GPHN: variants seen among roughly 807,000 people sequenced by gnomAD.
GPHN encodes the protein gephyrin.
GPHN carries 17 observed loss-of-function variants against 95.5 expected under a neutral mutation model. The observed-to-expected ratio is 0.18, with a 90% CI of 0.12 to 0.27. The LOEUF (loss-of-function observed/expected upper bound fraction) is 0.27, where lower values mean the gene tolerates loss of function less well. Ranked by LOEUF, GPHN falls within the 10% of genes least tolerant of loss-of-function variation. GPHN has a pLI of 1.00. For synonymous variants in GPHN, 320 were observed against 322.5 expected (o/e 0.99, Z 0.08); for missense variants, 660 against 978.1 (o/e 0.67, Z 4.34).
Position 67,070,715 on chromosome 14 carries a change from A to AAAAAAAAAAAAATATATATATATAT in GPHN, c.1144+11930_1144+11931insAAAAAAAAAAATATATATATATATA. ...ATCTCAAAAAAAAAAAAAAAAAAAA[A>AAAAAAAAAAAAATATATATATATAT]ATATATATATATATCCAATCAGCAT... On this transcript the variant is annotated intron_variant, in intron 11 of 22. Transcript: ENST00000478722. Among the ~76,000 whole-genome samples the AAAAAAAAAAAAATATATATATATAT allele has an allele frequency of 3.3e-4, 27 of 80,648 alleles. 1 individual carries two copies. The highest frequency in any genetic ancestry group is 2.8e-3 in the African/African-American group (22 of 7,948). 52.9% of individuals were successfully genotyped at this position (80,648 alleles called of 152,430 possible).
chr14:66,666,407 T>G (rs1357684045), intron 1 of GPHN, among the ~76,000 whole-genome samples: 2 of 151,762 alleles, frequency 1.3e-5, no homozygotes, highest in Non-Finnish European at 1.5e-5. Flanking sequence ...AAAAACATTT[T>G]TTAATAAAAA....
chr14:66,761,873 G>T (rs1363303316), intron 2 of GPHN, among the ~76,000 whole-genome samples: 1 of 152,044 alleles, frequency 6.6e-6, no homozygotes, highest in Admixed American at 6.6e-5. Flanking sequence ...TGTTAGCCAG[G>T]ATGGTCTTGA....
chr14:66,949,445 A>T (rs894321020), intron 8 of GPHN, among the ~76,000 whole-genome samples: 9 of 152,166 alleles, frequency 5.9e-5, no homozygotes, highest in Non-Finnish European at 8.8e-5. Flanking sequence ...ACACACCTGG[A>T]TCTCAAATAG....
At chr14:67,619,958 G>A in the GPHN span, 9 of 1,542,512 alleles carry the variant, frequency 5.8e-6, no homozygotes, top group Non-Finnish European at 7.0e-6. Flanking sequence ...CTGCCTTGGA[G>A]ATTCTCAGTG....
the GPHN span, chr14:67,585,915 A>T: frequency 6.3e-7 from 1 of 1,589,200 alleles, no homozygotes; most frequent in Non-Finnish European, 8.6e-7. Context: ...GGACAGGTGG[A>T]AAGTTTCCCC....
the GPHN span, among the ~76,000 whole-genome samples, chr14:67,703,823 A>G: frequency 6.6e-6 from 1 of 151,968 alleles, no homozygotes; most frequent in Non-Finnish European, 1.5e-5. Context: ...CTACAGGTGC[A>G]TACCACCGTG....
the GPHN span, among the ~76,000 whole-genome samples, chr14:67,318,634 A>G: frequency 4.6e-5 from 7 of 151,400 alleles, no homozygotes; most frequent in South Asian, 1.0e-3. Flanking sequence ...TTTGCTGTTT[A>G]TGATGATGTC....
chr14:67,455,925 A>G, the GPHN span, among the ~76,000 whole-genome samples: 140 of 152,342 alleles, frequency 9.2e-4, 1 homozygote, highest in Non-Finnish European at 1.3e-4. Context: ...CCTGGCAAAG[A>G]TTTCATGCAA....
the GPHN span, among the ~76,000 whole-genome samples, chr14:67,705,417 G>T: frequency 2.0e-5 from 3 of 152,214 alleles, no homozygotes; most frequent in Non-Finnish European, 4.4e-5. Context: ...AGATTTGAGA[G>T]ACTCATCGTA....
At chr14:67,647,077 T>C in the GPHN span, 4 of 1,135,086 alleles carry the variant, frequency 3.5e-6, no homozygotes, top group African/African-American at 6.1e-5. Flanking sequence ...CAACACACTT[T>C]TAGCCTGTTT....
chr14:66,713,004 A>G (rs887181599), intron 2 of GPHN, among the ~76,000 whole-genome samples: 33 of 151,278 alleles, frequency 2.2e-4, no homozygotes, highest in African/African-American at 7.8e-4. Flanking sequence ...TTTATTTTCT[A>G]TTTTTTGCTA....
At chr14:67,055,723 G>A (rs1470353056) in intron 10 of GPHN, among the ~76,000 whole-genome samples, 1 of 152,176 alleles carries the variant, frequency 6.6e-6, no homozygotes. Flanking sequence ...GTGAGTTCTT[G>A]GTCTCGCTGA....
chr14:66,967,602 A>G (rs1164339061), intron 9 of GPHN, among the ~76,000 whole-genome samples: 1 of 151,974 alleles, frequency 6.6e-6, no homozygotes, highest in East Asian at 1.9e-4. Context: ...CAGAAATCCA[A>G]AATACTCCAG....
At chr14:67,377,313 G>T in the GPHN span, among the ~76,000 whole-genome samples, 1 of 152,136 alleles carries the variant, frequency 6.6e-6, no homozygotes, top group Non-Finnish European at 1.5e-5. Context: ...CAGTCTTGCA[G>T]GTTGGTCCAC....
chr14:66,719,897 A>G (rs1017352768), intron 2 of GPHN, among the ~76,000 whole-genome samples: 5 of 152,220 alleles, frequency 3.3e-5, no homozygotes, highest in African/African-American at 4.8e-5. Flanking sequence ...ACTAGTGACC[A>G]TGTAAATCAT....
At chr14:67,563,773 A>C in the GPHN span, among the ~76,000 whole-genome samples, 1 of 125,830 alleles carries the variant, frequency 7.9e-6, no homozygotes, top group African/African-American at 3.1e-5. Context: ...TTGCTCTGTC[A>C]CCCAGGCTGA....
chr14:67,110,099 C>A (rs1193411307), intron 13 of GPHN, 41 bp from the exon 14 acceptor site: 4 of 1,597,042 alleles, frequency 2.5e-6, no homozygotes, highest in Non-Finnish European at 3.4e-6. Flanking sequence ...TCCTTTGCAG[C>A]AGCAAAGTAC....
chr14:66,652,988 G>T (rs1207789214), intron 1 of GPHN, among the ~76,000 whole-genome samples: 1 of 152,128 alleles, frequency 6.6e-6, no homozygotes, highest in African/African-American at 2.4e-5. Flanking sequence ...AGTTCTCCCT[G>T]TCAATTCAGC....
chr14:67,212,602 T>A, the GPHN span, among the ~76,000 whole-genome samples: 3,302 of 131,256 alleles, frequency 0.025, 55 homozygotes, highest in Middle Eastern at 0.062. Flanking sequence ...AAAAAAAATA[T>A]ATATATATAT....
Sources: gnomAD v4.1 joint callset for allele counts (sites outside exome capture counted in the v4.1 genomes callset) on GRCh38, gnomAD v4.1.1 for gene constraint, MANE v1.5 for transcripts, NCBI Gene and HGNC (gene_info 2026-07-23, HGNC 2026-07-21) for gene names.